The following NPAS3 variants were observed in gnomAD, a reference collection of about 807,000 sequenced individuals.
NPAS3 encodes neuronal PAS domain-containing protein 3.
A neutral mutation model predicts 73.1 loss-of-function variants in NPAS3; 14 were observed. That is an observed-to-expected ratio of 0.19 (90% confidence interval 0.13 to 0.30). NPAS3 has a LOEUF of 0.30. NPAS3 is among the 10% of genes least tolerant of loss of function. NPAS3 has a pLI of 1.00. For missense variants in NPAS3, 1,096 were observed against 1,250.0 expected (o/e 0.88, Z 1.86); for synonymous variants, 620 against 541.5 (o/e 1.14, Z -2.01).
chr14:33,361,027 T>G (rs1371372836), intron 3 of NPAS3, among the ~76,000 whole-genome samples: 1 of 152,176 alleles, frequency 6.6e-6, no homozygotes, highest in African/African-American at 2.4e-5. Context: ...AGAATGTTAA[T>G]CACCCCATAT....
At chr14:32,936,117 T>G (rs952142559), upstream of NPAS3, among the ~76,000 whole-genome samples, 1 of 152,236 alleles carries the variant, frequency 6.6e-6, no homozygotes, top group Non-Finnish European at 1.5e-5. Context: ...AACCTTTGAT[T>G]TGAACCAACA....
At chr14:33,785,330 G>A (rs2063135802) in intron 9 of NPAS3, among the ~76,000 whole-genome samples, 1 of 151,148 alleles carries the variant, frequency 6.6e-6, no homozygotes, top group African/African-American at 2.4e-5. Flanking sequence ...AGCTACTCAG[G>A]AGGCTGAGAC....
chr14:33,359,674 A>T (rs1405719008), intron 3 of NPAS3, among the ~76,000 whole-genome samples: 3 of 152,218 alleles, frequency 2.0e-5, no homozygotes, highest in African/African-American at 4.8e-5. Flanking sequence ...CTCAAAAAAA[A>T]TTTTAGTGTA....
intron 3 of NPAS3, among the ~76,000 whole-genome samples, chr14:33,317,752 A>G (rs1321425196): frequency 1.3e-5 from 2 of 152,034 alleles, no homozygotes; most frequent in African/African-American, 4.8e-5. Context: ...CTGTGAGTCA[A>G]TTAAACCTCT....
At chr14:33,240,353 C>A (rs1007736439) in intron 3 of NPAS3, among the ~76,000 whole-genome samples, 1 of 151,514 alleles carries the variant, frequency 6.6e-6, no homozygotes, top group Non-Finnish European at 1.5e-5. Flanking sequence ...CATTTTGGGT[C>A]CCTACTCTTA....
At chr14:33,248,686 A>G (rs1046050475) in intron 3 of NPAS3, among the ~76,000 whole-genome samples, 14 of 152,192 alleles carry the variant, frequency 9.2e-5, no homozygotes, top group Non-Finnish European at 5.9e-5. Context: ...AATAAATAAA[A>G]CTTATTTTTC....
chr14:33,203,069 T>A (rs1274014728), intron 2 of NPAS3, among the ~76,000 whole-genome samples: 1 of 152,276 alleles, frequency 6.6e-6, no homozygotes, highest in Non-Finnish European at 1.5e-5. Context: ...CACTGTTTAA[T>A]CGTCACAAAG....
At position 33,065,639 on chromosome 14, in the gene NPAS3, A is replaced by G. The variant is rs546404877; in HGVS notation, c.140+9645A>G. 1.4e-4 allele frequency among the ~76,000 whole-genome samples: 21 copies of G among 152,196 alleles called. No individual in the cohort carries two copies. The East Asian group carries it at 2.9e-3, about 21-fold the overall frequency. On this transcript the variant is annotated intron_variant, in intron 2 of 11. Coordinates refer to ENST00000356141, the Ensembl canonical transcript of NPAS3. ...TTATGTGGTTAAATAGACTATCACC[A>G]CATCTTATTTAAATCCTAATTTCCC...
intron 4 of NPAS3, among the ~76,000 whole-genome samples, chr14:33,530,629 A>C (rs1230616805): frequency 2.0e-5 from 3 of 152,128 alleles, no homozygotes; most frequent in Non-Finnish European, 4.4e-5. Context: ...TTCATTACTA[A>C]GAAGCAGGGG....
At chr14:32,950,705 T>C (rs1015228445) in intron 1 of NPAS3, among the ~76,000 whole-genome samples, 2 of 152,136 alleles carry the variant, frequency 1.3e-5, no homozygotes, top group Non-Finnish European at 2.9e-5. Flanking sequence ...CTGTGCCGTA[T>C]TGATGTGGCT....
intron 1 of NPAS3, among the ~76,000 whole-genome samples, chr14:32,948,935 A>C (rs2036374578): frequency 6.6e-6 from 1 of 152,134 alleles, no homozygotes; most frequent in Admixed American, 6.6e-5. Flanking sequence ...CAACTCTTAG[A>C]CAATAAAATT....
chr14:33,305,958 T>C (rs1247085459), intron 3 of NPAS3, among the ~76,000 whole-genome samples: 1 of 152,202 alleles, frequency 6.6e-6, no homozygotes, highest in Non-Finnish European at 1.5e-5. Flanking sequence ...GTTTATAGTA[T>C]GCTGACCTAG....
At chr14:33,196,106 C>A (rs2139541923) in intron 2 of NPAS3, among the ~76,000 whole-genome samples, 1 of 152,306 alleles carries the variant, frequency 6.6e-6, no homozygotes, top group Middle Eastern at 3.4e-3. Context: ...TCGGCCAGCG[C>A]TAAGGTCCCA....
chr14:33,602,724 T>C (rs1263908795), intron 5 of NPAS3, among the ~76,000 whole-genome samples: 1 of 152,208 alleles, frequency 6.6e-6, no homozygotes, highest in Non-Finnish European at 1.5e-5. Context: ...AGATAAATAC[T>C]AAGTTACAGT....
intron 4 of NPAS3, among the ~76,000 whole-genome samples, chr14:33,433,569 G>A (rs151052029): frequency 8.5e-5 from 13 of 152,324 alleles, no homozygotes; most frequent in African/African-American, 3.1e-4. Context: ...ACATTTGGAG[G>A]CAACTACTTT....
At chr14:33,333,802 C>G (rs1490940481) in intron 3 of NPAS3, among the ~76,000 whole-genome samples, 1 of 152,166 alleles carries the variant, frequency 6.6e-6, no homozygotes, top group Non-Finnish European at 1.5e-5. Flanking sequence ...CTAATTCCCA[C>G]TTATAAACAC....
intron 3 of NPAS3, among the ~76,000 whole-genome samples, chr14:33,272,073 G>A (rs1158679375): frequency 6.6e-6 from 1 of 152,136 alleles, no homozygotes. Context: ...CAAATTCCAG[G>A]CTTGGGGCCA....
chr14:33,706,633 C>G (rs1382830569), intron 6 of NPAS3, among the ~76,000 whole-genome samples: 1 of 152,144 alleles, frequency 6.6e-6, no homozygotes, highest in Non-Finnish European at 1.5e-5. Flanking sequence ...TAACATGTGC[C>G]AAGCATTTTC....
chr14:33,416,199 G>A (rs540378806), intron 4 of NPAS3, among the ~76,000 whole-genome samples: 22 of 152,108 alleles, frequency 1.4e-4, no homozygotes, highest in Admixed American at 1.1e-3. Context: ...CACAATTTAC[G>A]TTGAACATAA....
Sources: allele counts gnomAD v4.1 joint callset (sites outside exome capture counted in the v4.1 genomes callset), GRCh38; gene constraint gnomAD v4.1.1; transcripts MANE v1.5; gene names NCBI Gene and HGNC (gene_info 2026-07-23, HGNC 2026-07-21).